PTPRD: variants seen among roughly 807,000 people sequenced by gnomAD.
The protein encoded by PTPRD is protein tyrosine phosphatase receptor type D, also known as receptor-type tyrosine-protein phosphatase delta.
In PTPRD, 34 loss-of-function variants were observed where a neutral mutation model predicts 214.5. That is an observed-to-expected ratio of 0.16 (90% CI 0.12 to 0.21). The LOEUF (loss-of-function observed/expected upper bound fraction) is 0.21. Ranked by LOEUF, PTPRD falls within the 10% of genes least tolerant of loss-of-function variation. PTPRD has a pLI of 1.00. For missense variants in PTPRD, 2,545 were observed against 2,398.7 expected, an observed-to-expected ratio of 1.06 and a Z score of -1.27; for synonymous variants, 1,128 against 845.7, an observed-to-expected ratio of 1.33 and a Z score of -5.79.
At position 10,139,169 on chromosome 9, in the gene PTPRD, G is replaced by C. The variant is rs146526018; in HGVS notation, c.-544-105379C>G. 4.2e-3 allele frequency among the ~76,000 whole-genome samples: 640 copies of C among 152,084 alleles called. 3 individuals carry two copies. The highest frequency in any genetic ancestry group is 0.015 in the African/African-American group (608 of 41,512). The stretch of plus-strand genomic sequence containing the variant: ...GGAAGATTCCCCCAAAAGGCACTTA[G>C]AACTGATGAATTACTTCAGTGCAGC... On this transcript the variant is annotated intron_variant, in intron 3 of 45. Transcript: ENST00000381196.
intron 14 of PTPRD, among the ~76,000 whole-genome samples, chr9:8,631,389 G>C (rs2096246737): frequency 1.3e-5 from 2 of 151,792 alleles, no homozygotes; most frequent in Non-Finnish European, 2.9e-5. Flanking sequence ...CTTGATGGTT[G>C]GGCTTACTGT....
chr9:9,999,875 T>C (rs542040641), intron 4 of PTPRD, among the ~76,000 whole-genome samples: 28 of 152,324 alleles, frequency 1.8e-4, no homozygotes, highest in Admixed American at 5.2e-4. Context: ...AGAGATTTTA[T>C]ATAAGGAAGG....
intron 3 of PTPRD, among the ~76,000 whole-genome samples, chr9:10,050,588 A>G (rs1260578933): frequency 6.8e-6 from 1 of 147,018 alleles, no homozygotes. Context: ...AAAAAAAAAA[A>G]AAGACTATGT....
At chr9:8,481,950 T>C (rs918600264) in intron 30 of PTPRD, among the ~76,000 whole-genome samples, 4 of 151,834 alleles carry the variant, frequency 2.6e-5, no homozygotes, top group African/African-American at 9.7e-5. Flanking sequence ...GCCCGGCTAA[T>C]TGTTGTATTT....
chr9:8,318,220 T>A (rs1053413404), intron 45 of PTPRD, among the ~76,000 whole-genome samples: 4 of 152,052 alleles, frequency 2.6e-5, no homozygotes, highest in African/African-American at 9.6e-5. Flanking sequence ...GACAAGTGTT[T>A]TCCAAGTAGT....
intron 9 of PTPRD, among the ~76,000 whole-genome samples, chr9:9,188,456 T>C (rs1411004227): frequency 6.6e-6 from 1 of 152,104 alleles, no homozygotes; most frequent in East Asian, 1.9e-4. Flanking sequence ...CCAAAGTGGT[T>C]GTAGCAATTA....
intron 11 of PTPRD, among the ~76,000 whole-genome samples, chr9:8,886,154 G>T (rs910010643): frequency 1.5e-4 from 23 of 152,164 alleles, no homozygotes; most frequent in Non-Finnish European, 2.6e-4. Context: ...CAGCTGATTT[G>T]TTCATAAGCC....
chr9:9,257,246 G>T (rs914234688), intron 9 of PTPRD, among the ~76,000 whole-genome samples: 1 of 151,938 alleles, frequency 6.6e-6, no homozygotes, highest in Non-Finnish European at 1.5e-5. Flanking sequence ...AAGGAAGGAG[G>T]AGAGGGAGTG....
intron 12 of PTPRD, among the ~76,000 whole-genome samples, chr9:8,706,854 T>G (rs2154400376): frequency 6.6e-6 from 1 of 152,294 alleles, no homozygotes; most frequent in African/African-American, 2.4e-5. Context: ...AGCATGCCTC[T>G]GAAGCAACAG....
In PTPRD at chr9:9,499,923, C is replaced by T. The variant is rs997524313; in HGVS notation, c.-237+74809G>A. Among the ~76,000 whole-genome samples, 7 of 152,038 alleles carry T rather than the reference C, an allele frequency of 4.6e-5. No individual in the cohort carries two copies. In the East Asian group the frequency reaches 1.4e-3, roughly 30 times the overall value. On this transcript the variant is annotated intron_variant, in intron 8 of 45. Coordinates refer to ENST00000381196, the MANE Select transcript of PTPRD (RefSeq NM_002839.4). Reference sequence around the variant, plus strand: ...CCAATAAACTGCAATGAAAACTGATCCATACCAAGCAGAAGTGATACTGCA... The same window carrying T: ...CCAATAAACTGCAATGAAAACTGATTCATACCAAGCAGAAGTGATACTGCA...
At chr9:9,590,220 T>C (rs1031074944) in intron 7 of PTPRD, among the ~76,000 whole-genome samples, 1 of 152,044 alleles carries the variant, frequency 6.6e-6, no homozygotes, top group African/African-American at 2.4e-5. Flanking sequence ...CTATTTTTTT[T>C]TCCACAGGGC....
chr9:8,717,513 A>T (rs147956722), intron 12 of PTPRD, among the ~76,000 whole-genome samples: 4 of 152,254 alleles, frequency 2.6e-5, no homozygotes, highest in African/African-American at 9.6e-5. Context: ...TCCACCCTCC[A>T]ACGCATCCTC....
At chr9:10,035,959 C>T (rs1284617692) in intron 3 of PTPRD, among the ~76,000 whole-genome samples, 1 of 152,006 alleles carries the variant, frequency 6.6e-6, no homozygotes, top group African/African-American at 2.4e-5. Context: ...CTTAGGAGGA[C>T]ATAGGTGAGT....
intron 9 of PTPRD, among the ~76,000 whole-genome samples, chr9:9,205,872 G>A (rs761390717): frequency 3.9e-5 from 6 of 152,098 alleles, no homozygotes; most frequent in African/African-American, 4.8e-5. Context: ...GAAGAAGGAC[G>A]CAATGACACA....
chr9:8,707,263 G>T (rs971142636), intron 12 of PTPRD, among the ~76,000 whole-genome samples: 1 of 152,160 alleles, frequency 6.6e-6, no homozygotes, highest in African/African-American at 2.4e-5. Context: ...ATTCTTTGGT[G>T]ACAGAAGGTT....
chr9:9,930,513 T>A (rs1405558294), intron 5 of PTPRD, among the ~76,000 whole-genome samples: 1 of 152,192 alleles, frequency 6.6e-6, no homozygotes, highest in East Asian at 1.9e-4. Context: ...CATTCATGTG[T>A]CACTCAAACT....
intron 7 of PTPRD, among the ~76,000 whole-genome samples, chr9:9,723,286 T>A (rs1158851055): frequency 6.6e-6 from 1 of 152,056 alleles, no homozygotes; most frequent in Non-Finnish European, 1.5e-5. Context: ...ACTTTCTCCA[T>A]TGGGTTATCT....
chr9:10,351,430 T>A (rs1004090324), intron 2 of PTPRD, among the ~76,000 whole-genome samples: 1 of 152,098 alleles, frequency 6.6e-6, no homozygotes, highest in Non-Finnish European at 1.5e-5. Flanking sequence ...ACACATCTTC[T>A]TTGTAGAAAA....
intron 33 of PTPRD, among the ~76,000 whole-genome samples, chr9:8,458,834 T>C (rs1400225027): frequency 6.6e-6 from 1 of 152,102 alleles, no homozygotes; most frequent in Non-Finnish European, 1.5e-5. Flanking sequence ...TTTCCACACT[T>C]ACTTTTTCAG....
Sources: allele counts gnomAD v4.1 joint callset (sites outside exome capture counted in the v4.1 genomes callset), GRCh38; gene constraint gnomAD v4.1.1; transcripts MANE v1.5; gene names NCBI Gene and HGNC (gene_info 2026-07-23, HGNC 2026-07-21).